The following CLCNKA variants were observed in gnomAD, a reference collection of about 807,000 sequenced individuals.
The protein encoded by CLCNKA is chloride voltage-gated channel Ka, also known as chloride channel protein ClC-Ka.
A neutral mutation model predicts 83.3 loss-of-function variants in CLCNKA; 66 were observed. The observed-to-expected ratio is 0.79, with a 90% CI of 0.65 to 0.97. The LOEUF (loss-of-function observed/expected upper bound fraction) is 0.97, where lower values mean the gene tolerates loss of function less well. Ranked by LOEUF, CLCNKA falls within the 50% of genes least tolerant of loss-of-function variation. CLCNKA has a pLI of 0.00. For missense variants in CLCNKA, 806 were observed against 888.7 expected, an observed-to-expected ratio of 0.91 and a Z score of 1.18; for synonymous variants, 357 against 370.4, an observed-to-expected ratio of 0.96 and a Z score of 0.42.
chr1:16,033,359 G>A lies in CLCNKA; in HGVS notation c.2016+103G>A, dbSNP rs2022714995. On this transcript the variant is annotated intron_variant, in intron 19 of 19. Coordinates refer to ENST00000331433, the MANE Select transcript of CLCNKA (RefSeq NM_004070.4). ...ACCAGCATGCTCCCATCCAAACCTG[G>A]GGGGATTCAGAGGATACTTATGAGT... The A allele has an allele frequency of 2.3e-6, 3 of 1,319,468 alleles. No homozygotes were observed. The Admixed American group carries it at 5.3e-5, about 23-fold the overall frequency. The allele number at this position is 1,319,468 out of a possible 1,614,324, so 81.7% of individuals were successfully genotyped here. A position where few individuals can be genotyped will look rare whatever the true frequency, so the allele number is the denominator to read the frequency against.
At chr1:16,025,008 T>C in intron 4 of CLCNKA, 117 bp downstream of exon 4, 1 of 1,411,012 alleles carries the variant, frequency 7.1e-7, no homozygotes, top group Non-Finnish European at 9.9e-7. Context: ...AGAAGAGTTA[T>C]GTGGCTTGCC....
At chr1:16,022,558 A>G in intron 1 of CLCNKA, 55 bp from the exon 2 acceptor site, 4 of 1,322,654 alleles carry the variant, frequency 3.0e-6, no homozygotes, top group South Asian at 2.7e-5. Flanking sequence ...GCCCAGAGGC[A>G]GCGCGAGGAC....
intron 18 of CLCNKA, among the ~76,000 whole-genome samples, 178 bp from the exon 19 acceptor site, chr1:16,032,992 T>C (rs554584957): frequency 1.3e-5 from 2 of 152,246 alleles, no homozygotes; most frequent in South Asian, 4.1e-4. Flanking sequence ...GCCCAGACCC[T>C]TGAGTGGCCT....
chr1:16,024,917 C>T (rs763006207), intron 4 of CLCNKA, 26 bp downstream of exon 4: 51 of 1,613,612 alleles, frequency 3.2e-5, no homozygotes, highest in Non-Finnish European at 4.0e-5. Context: ...CCATGCCAGT[C>T]CCCAGTGCCA....
rs756983692 is a variant in CLCNKA at position 16,031,717 on chromosome 1, C to A, written c.1630C>A (p.His544Asn). The change falls in exon 16 of 20, where the codon CAT becomes AAT. Residue 544 changes from histidine (H) to asparagine (N), a missense_variant. Transcript: ENST00000331433. Reference sequence around the variant, plus strand: ...GAGCCCCTCTGCCTGCAGCTCCCACCATGTGAGGGTGGAGCACTTCATGAA... The same window carrying A: ...GAGCCCCTCTGCCTGCAGCTCCCACAATGTGAGGGTGGAGCACTTCATGAA... ...RILGRNIGSHHVRVEHFMNHS... is the reference protein window; with the variant it reads ...RILGRNIGSHNVRVEHFMNHS... The A allele has an allele frequency of 6.2e-7, 1 of 1,613,790 alleles. No homozygotes were observed. Among genetic ancestry groups the A allele is most frequent in the South Asian group, 1.1e-5 (1 of 91,088 alleles).
chr1:16,031,238 C>T (rs77552435), intron 15 of CLCNKA, among the ~76,000 whole-genome samples: 3,278 of 152,182 alleles, frequency 0.022, 64 homozygotes, highest in Non-Finnish European at 0.028. Context: ...GTTTCCCCAT[C>T]GGGAAAATGG....
chr1:16,033,024 C>T lies in CLCNKA; in HGVS notation c.1930-146C>T. 4.6e-6 allele frequency: 4 copies of T among 878,188 alleles called. 1 individual carries two copies. The highest frequency in any genetic ancestry group is 2.8e-5 in the South Asian group (2 of 71,704). The allele number at this position is 878,188 out of a possible 1,614,324, so 54.4% of individuals were successfully genotyped here. ...GCCTCTGGCATCCCCCAGTGGCCCACACTGGACATTGCAGGCCTGGGTCTG... is the reference window on the plus strand; with the variant it reads ...GCCTCTGGCATCCCCCAGTGGCCCATACTGGACATTGCAGGCCTGGGTCTG... On this transcript the variant is annotated intron_variant, in intron 18 of 19. Coordinates refer to ENST00000331433, the MANE Select transcript of CLCNKA (RefSeq NM_004070.4).
intron 12 of CLCNKA, 38 bp from the exon 13 acceptor site, chr1:16,029,693 G>T (rs138144156): frequency 6.2e-7 from 1 of 1,612,530 alleles, no homozygotes; most frequent in African/African-American, 1.3e-5. Flanking sequence ...CTTGCCCAGC[G>T]GCCTCTAACC....
chr1:16,028,144 G>T (rs1474729912), intron 10 of CLCNKA, 25 bp downstream of exon 10: 39 of 1,605,318 alleles, frequency 2.4e-5, no homozygotes, highest in Non-Finnish European at 3.3e-5. Context: ...AGGGGCTGGG[G>T]ACATCTCAGT....
intron 4 of CLCNKA, 73 bp downstream of exon 4, chr1:16,024,964 G>T: frequency 6.3e-7 from 1 of 1,587,982 alleles, no homozygotes; most frequent in East Asian, 2.2e-5. Flanking sequence ...CTGATGGGGG[G>T]AATCGGGAAG....
Position 16,026,516 on chromosome 1 carries a change from G to T in CLCNKA, c.499-20G>T. The T allele has an allele frequency of 1.2e-6, 2 of 1,613,806 alleles. No homozygotes were observed. The highest frequency in any genetic ancestry group is 1.7e-6 in the Non-Finnish European group (2 of 1,180,008). On this transcript the variant is annotated intron_variant, in intron 5 of 19. Transcript: ENST00000331433. ...GACTGTCTCTGCTGCCCTCACCTGGGCCCACCCTTCCCTCTGCAGGGCCCT... is the reference window on the plus strand; with the variant it reads ...GACTGTCTCTGCTGCCCTCACCTGGTCCCACCCTTCCCTCTGCAGGGCCCT...
At chr1:16,028,640 C>A in intron 10 of CLCNKA, 121 bp from the exon 11 acceptor site, 1 of 1,264,782 alleles carries the variant, frequency 7.9e-7, no homozygotes, top group Non-Finnish European at 1.1e-6. Flanking sequence ...CTCACCAGTC[C>A]TTGCCTCGGT....
rs1237593275 is a variant in CLCNKA, at chr1:16,033,199, T to C, written c.1959T>C (p.Leu653=). ...QAQNLFKLLN[L]QSLFVTSRGR... ...AAAACCTCTTTAAGCTGTTGAACCT[T>C]CAGTCCCTCTTCGTGACATCGCGGG... The change falls in exon 19 of 20, where the codon CTT becomes CTC. Residue 653 remains leucine, a synonymous_variant. Coordinates refer to ENST00000331433, the MANE Select transcript of CLCNKA (RefSeq NM_004070.4). The C allele has an allele frequency of 3.1e-6, 5 of 1,614,142 alleles. No individual in the cohort carries two copies. Among genetic ancestry groups the C allele is most frequent in the Non-Finnish European group, 4.2e-6 (5 of 1,180,004 alleles).
intron 15 of CLCNKA, among the ~76,000 whole-genome samples, chr1:16,031,409 G>A (rs2022619723): frequency 6.6e-6 from 1 of 152,152 alleles, no homozygotes; most frequent in South Asian, 2.1e-4. Context: ...GGCAGATACT[G>A]GTTTTCCGTC....
rs1470445752 is a variant in CLCNKA at position 16,026,793 on chromosome 1, C to T, written c.655+18C>T. 1.9e-6 allele frequency: 3 copies of T among 1,604,338 alleles called. No individual in the cohort carries two copies. The highest frequency in any genetic ancestry group is 2.2e-5 in the South Asian group (2 of 91,028). ...CTTCAGCGGTGAGACCCCCCTCATG[C>T]CCCGCCCCCTGGGTCCCTCAAGCTC... On this transcript the variant is annotated intron_variant, in intron 7 of 19. Coordinates refer to ENST00000331433, the MANE Select transcript of CLCNKA (RefSeq NM_004070.4).
In CLCNKA at chr1:16,023,914, G is replaced by T. The variant is rs763391624; in HGVS notation, c.215G>T (p.Gly72Val). The T allele has an allele frequency of 3.1e-6, 5 of 1,614,044 alleles. No homozygotes were observed. In the African/African-American group the frequency reaches 6.7e-5, roughly 22 times the overall value. Residue 72 changes from glycine to valine, a missense_variant, in exon 3 of 20, where the codon GGG becomes GTG. Coordinates refer to ENST00000331433, the MANE Select transcript of CLCNKA (RefSeq NM_004070.4). ...AGCTATGCCATGAACTTTGCCATCG[G>T]GTGTGTGGTCCGAGGTAACTCTTCC... The part of the protein sequence containing the change: ...LVSYAMNFAI[G>V]CVVRAHQWLY...
intron 14 of CLCNKA, 36 bp downstream of exon 14, chr1:16,030,111 C>T (rs776512805): frequency 2.1e-5 from 31 of 1,482,920 alleles, no homozygotes; most frequent in Non-Finnish European, 2.5e-5. Flanking sequence ...TGGGCAATGT[C>T]GTGGGGCTGG....
At chr1:16,027,574 T>C (rs1380024160) in intron 8 of CLCNKA, 139 bp downstream of exon 8, 12 of 1,494,480 alleles carry the variant, frequency 8.0e-6, no homozygotes, top group Non-Finnish European at 1.1e-5. Flanking sequence ...CCCACCTCCT[T>C]CAGGGAGGAT....
intron 4 of CLCNKA, among the ~76,000 whole-genome samples, 179 bp from the exon 5 acceptor site, chr1:16,025,929 T>C (rs899141267): frequency 5.9e-5 from 9 of 152,170 alleles, no homozygotes; most frequent in African/African-American, 2.2e-4. Context: ...TAATTTTTTG[T>C]ATCTTTAGTA....
Sources: allele counts gnomAD v4.1 joint callset (sites outside exome capture counted in the v4.1 genomes callset), GRCh38; gene constraint gnomAD v4.1.1; transcripts MANE v1.5; gene names NCBI Gene and HGNC (gene_info 2026-07-23, HGNC 2026-07-21).